The following NPRL3 variants were observed in gnomAD, a reference collection of about 807,000 sequenced individuals.
NPRL3 encodes the protein GATOR1 complex protein NPRL3.
Under a neutral mutation model 57.2 loss-of-function variants are expected in NPRL3, and 23 were observed. That is an observed-to-expected ratio of 0.40 (90% CI 0.29 to 0.57). The LOEUF (loss-of-function observed/expected upper bound fraction) is 0.57, where lower values mean the gene tolerates loss of function less well. Ranked by LOEUF, NPRL3 falls within the 20% of genes least tolerant of loss-of-function variation. The pLI, the probability that NPRL3 is intolerant of heterozygous loss-of-function variation, is 0.42. For missense variants in NPRL3, 691 were observed against 767.1 expected (o/e 0.90, Z 1.17); for synonymous variants, 333 against 321.1 (o/e 1.04, Z -0.39).
At chr16:118,299 G>A (rs1166545061) in intron 4 of NPRL3, among the ~76,000 whole-genome samples, 2 of 152,164 alleles carry the variant, frequency 1.3e-5, no homozygotes, top group Non-Finnish European at 2.9e-5. Flanking sequence ...GGCAGGCTCT[G>A]GTGTACAAGT....
intron 10 of NPRL3, chr16:93,005 TG>T (rs1898828568): frequency 3.3e-6 from 2 of 614,426 alleles, no homozygotes; most frequent in Non-Finnish European, 5.8e-6. Context: ...GCCAGGCATA[TG>T]GGGGACACAG....
At position 130,401 on chromosome 16, in the gene NPRL3, C is replaced by T. The variant is rs549646245; in HGVS notation, c.188+121G>A. On this transcript the variant is annotated intron_variant, in intron 3 of 13. Transcript: ENST00000611875. ...ACACTACCTGAGAGCACCCACTAAA[C>T]GGAAAAAAACAAACACCAGACTTCT... 189 of 985,818 alleles carry T rather than the reference C, an allele frequency of 1.9e-4. 1 individual carries two copies. The highest frequency in any genetic ancestry group is 1.6e-3 in the African/African-American group (99 of 60,742). The allele number at this position is 985,818 out of a possible 1,614,324, so 61.1% of individuals were successfully genotyped here. A position where few individuals can be genotyped will look rare whatever the true frequency, so the allele number is the denominator to read the frequency against.
At chr16:89,572 G>C (rs1416885960) in intron 12 of NPRL3, 141 bp downstream of exon 12, 1 of 746,112 alleles carries the variant, frequency 1.3e-6, no homozygotes, top group Non-Finnish European at 2.0e-6. Context: ...GTGTCTCCAC[G>C]GGGGACACGA....
chr16:96,670 ATATT>A (rs1282901307), intron 9 of NPRL3, among the ~76,000 whole-genome samples: 2 of 149,762 alleles, frequency 1.3e-5, no homozygotes. Flanking sequence ...AAAAAAAAAA[ATATT>A]AGCCAGGCGC....
At chr16:101,281 G>A (rs1192003332) in intron 7 of NPRL3, among the ~76,000 whole-genome samples, 1 of 152,162 alleles carries the variant, frequency 6.6e-6, no homozygotes, top group African/African-American at 2.4e-5. Flanking sequence ...GGCAGGGAAG[G>A]AATGCCAAGT....
intron 4 of NPRL3, 44 bp downstream of exon 4, chr16:119,082 A>C (rs1223596701): frequency 1.3e-6 from 2 of 1,571,788 alleles, no homozygotes; most frequent in Non-Finnish European, 1.7e-6. Flanking sequence ...AAGGAGAGCC[A>C]CATCTGCCCA....
At chr16:101,943 A>C (rs1899317375) in intron 7 of NPRL3, among the ~76,000 whole-genome samples, 1 of 152,146 alleles carries the variant, frequency 6.6e-6, no homozygotes, top group Admixed American at 6.5e-5. Context: ...CCCCAACCAG[A>C]ACTCACTCCT....
At chr16:117,232 G>C in intron 5 of NPRL3, 69 bp downstream of exon 5, 2 of 1,132,600 alleles carry the variant, frequency 1.8e-6, no homozygotes, top group East Asian at 2.5e-5. Context: ...TGACACGCTC[G>C]TTGGAAAAAA....
chr16:132,585 T>A (rs1900859068), intron 2 of NPRL3, among the ~76,000 whole-genome samples: 1 of 152,210 alleles, frequency 6.6e-6, no homozygotes, highest in Admixed American at 6.5e-5. Context: ...GCACATGCTT[T>A]CCAGAAGGTT....
chr16:96,227 T>C (rs1898998872), intron 9 of NPRL3, among the ~76,000 whole-genome samples: 1 of 152,072 alleles, frequency 6.6e-6, no homozygotes, highest in Non-Finnish European at 1.5e-5. Flanking sequence ...CAAAGCTTTG[T>C]CCAAGGAGAC....
intron 7 of NPRL3, among the ~76,000 whole-genome samples, chr16:107,594 CAA>C (rs11309723): frequency 0.38 from 48,982 of 130,260 alleles, 9,175 homozygotes; most frequent in Non-Finnish European, 0.48. Flanking sequence ...TATTCCATCT[CAA>C]AAAAAAAAAA....
At chr16:134,694 A>ATTATTT (rs1346965930) in intron 2 of NPRL3, among the ~76,000 whole-genome samples, 14 of 103,426 alleles carry the variant, frequency 1.4e-4, no homozygotes, top group East Asian at 2.7e-4. Flanking sequence ...AATTATTATT[A>ATTATTT]TTTTTTTTTT....
chr16:130,361 G>A (rs1900733004), intron 3 of NPRL3, among the ~76,000 whole-genome samples, 161 bp downstream of exon 3: 1 of 152,092 alleles, frequency 6.6e-6, no homozygotes, highest in Admixed American at 6.6e-5. Flanking sequence ...GACTGTCTAC[G>A]CAGTCCTCCA....
Position 130,576 on chromosome 16 carries a change from C to A in NPRL3, c.134G>T (p.Arg45Ile). The A allele has an allele frequency of 6.4e-7, 1 of 1,554,964 alleles. No homozygotes were observed. Among genetic ancestry groups the A allele is most frequent in the Non-Finnish European group, 8.7e-7 (1 of 1,148,910 alleles). The change falls in exon 3 of 14, where the codon AGA becomes ATA. Residue 45 changes from arginine (R) to isoleucine (I), a missense_variant. Coordinates refer to ENST00000611875, the MANE Select transcript of NPRL3 (RefSeq NM_001077350.3). ...GTCGCCCGTGTTGCTGGCAGCGTATCTGCTACGCGGCTTACCTGAGTCGGG... is the reference window on the plus strand; with the variant it reads ...GTCGCCCGTGTTGCTGGCAGCGTATATGCTACGCGGCTTACCTGAGTCGGG... Reference protein sequence around the residue: ...PASQTSKPRSRYAASNTGDHA... With the variant: ...PASQTSKPRSIYAASNTGDHA...
chr16:127,635 A>G (rs901137506), intron 3 of NPRL3, among the ~76,000 whole-genome samples: 5 of 151,870 alleles, frequency 3.3e-5, no homozygotes, highest in African/African-American at 1.2e-4. Flanking sequence ...AAATGTGACC[A>G]GTGCAACTGA....
intron 7 of NPRL3, among the ~76,000 whole-genome samples, chr16:100,781 AATAAC>A: frequency 1.1e-3 from 2 of 1,752 alleles, no homozygotes; most frequent in African/African-American, 0.012. Context: ...CAGCCTGGCT[AATAAC>A]ACGGTGAAAC....
In NPRL3 at chr16:85,808, A is replaced by T. The variant is rs1306766118; in HGVS notation, c.*897T>A. 1.4e-6 allele frequency: 2 copies of T among 1,457,182 alleles called. No individual in the cohort carries two copies. Among genetic ancestry groups the T allele is most frequent in the Non-Finnish European group, 1.8e-6 (2 of 1,102,798 alleles). 90.3% of individuals were successfully genotyped at this position (1,457,182 alleles called of 1,614,324 possible). A position where few individuals can be genotyped will look rare whatever the true frequency, so the allele number is the denominator to read the frequency against. On this transcript the variant is annotated 3_prime_UTR_variant, in exon 14 of 14. Coordinates refer to ENST00000611875, the MANE Select transcript of NPRL3 (RefSeq NM_001077350.3). ...GGGCCTGCCCAGACAAGATTTTTTA[A>T]TTGTTTAAAAACCGAATAAATGTTT...
chr16:104,807 T>C (rs1299263882), intron 7 of NPRL3, among the ~76,000 whole-genome samples: 1 of 152,132 alleles, frequency 6.6e-6, no homozygotes, highest in African/African-American at 2.4e-5. Flanking sequence ...TCCCTGAACA[T>C]GTCAGAGGGA....
intron 2 of NPRL3, among the ~76,000 whole-genome samples, chr16:132,489 T>C (rs1900854691): frequency 6.6e-6 from 1 of 152,228 alleles, no homozygotes; most frequent in Admixed American, 6.5e-5. Flanking sequence ...AAGTCATCCA[T>C]GAGAGCTGGA....
Sources: allele counts gnomAD v4.1 joint callset (sites outside exome capture counted in the v4.1 genomes callset), GRCh38; gene constraint gnomAD v4.1.1; transcripts MANE v1.5; gene names NCBI Gene and HGNC (gene_info 2026-07-23, HGNC 2026-07-21).